Variants in VAV3 observed in about 807,000 individuals in gnomAD.
VAV3 encodes the protein guanine nucleotide exchange factor VAV3.
VAV3 carries 94 observed loss-of-function variants against 131.2 expected under a neutral mutation model. The observed-to-expected ratio is 0.72, with a 90% confidence interval of 0.61 to 0.85. The LOEUF (loss-of-function observed/expected upper bound fraction) is 0.85, where lower values mean the gene tolerates loss of function less well. Among genes scored for constraint, VAV3 ranks in the 40% least tolerant of loss-of-function variants. The pLI, the probability that VAV3 is intolerant of heterozygous loss-of-function variation, is 0.00. For synonymous variants in VAV3, 349 were observed against 342.0 expected (o/e 1.02, Z -0.22); for missense variants, 939 against 1,002.7 (o/e 0.94, Z 0.86).
At chr1:107,905,967 C>T (rs1460477869) in intron 1 of VAV3, among the ~76,000 whole-genome samples, 1 of 152,074 alleles carries the variant, frequency 6.6e-6, no homozygotes. Context: ...AGTGAAGAGT[C>T]TATTAAATAA....
intron 12 of VAV3, among the ~76,000 whole-genome samples, chr1:107,753,473 T>C (rs908016380): frequency 3.0e-5 from 4 of 133,412 alleles, no homozygotes; most frequent in Non-Finnish European, 6.6e-5. Context: ...TGTGTGTATG[T>C]ATGTGTGTGT....
intron 12 of VAV3, among the ~76,000 whole-genome samples, chr1:107,755,004 C>T (rs1259955424): frequency 6.6e-6 from 1 of 151,930 alleles, no homozygotes; most frequent in African/African-American, 2.4e-5. Context: ...TAAACTGTCT[C>T]CTCAATCTTG....
chr1:107,607,169 G>T (rs1313258106), intron 22 of VAV3, among the ~76,000 whole-genome samples: 1 of 151,714 alleles, frequency 6.6e-6, no homozygotes, highest in Non-Finnish European at 1.5e-5. Context: ...TTCCAGGCTG[G>T]TCTTGAACTC....
At chr1:107,743,420 T>G (rs1663139669) in intron 15 of VAV3, among the ~76,000 whole-genome samples, 1 of 152,192 alleles carries the variant, frequency 6.6e-6, no homozygotes, top group South Asian at 2.1e-4. Context: ...TTCTTGGGAC[T>G]CTGTATGTTG....
intron 2 of VAV3, among the ~76,000 whole-genome samples, chr1:107,863,441 CCTGT>C (rs1669836077): frequency 6.6e-6 from 1 of 152,050 alleles, no homozygotes; most frequent in Non-Finnish European, 1.5e-5. Context: ...ATGGTCATCT[CCTGT>C]CTATCTGTTA....
At chr1:107,639,706 G>C (rs1315731906) in intron 20 of VAV3, among the ~76,000 whole-genome samples, 2 of 152,138 alleles carry the variant, frequency 1.3e-5, no homozygotes, top group African/African-American at 4.8e-5. Context: ...CTACTTGGCA[G>C]GCTGAAGTGG....
chr1:107,909,273 T>C (rs1243125695), intron 1 of VAV3, among the ~76,000 whole-genome samples: 1 of 152,144 alleles, frequency 6.6e-6, no homozygotes. Flanking sequence ...ATTCTCCAAA[T>C]GGTTAAAAAT....
chr1:107,831,155 G>A (rs1668230897), intron 2 of VAV3, among the ~76,000 whole-genome samples: 1 of 151,770 alleles, frequency 6.6e-6, no homozygotes, highest in Non-Finnish European at 1.5e-5. Context: ...AAAATTTTCG[G>A]GTTTTGTGAG....
In VAV3 at chr1:107,655,995, T is replaced by C. The variant is rs114370829; in HGVS notation, c.1778-13240A>G. Among the ~76,000 whole-genome samples, 1,496 of 152,208 alleles carry C rather than the reference T, an allele frequency of 9.8e-3. 12 individuals carry two copies. Among genetic ancestry groups the C allele is most frequent in the Non-Finnish European group, 0.015 (1,044 of 67,958 alleles). On this transcript the variant is annotated intron_variant, in intron 19 of 26. Coordinates refer to ENST00000370056, the MANE Select transcript of VAV3 (RefSeq NM_006113.5). ...GAGAAAGGGGAACCCTCATATACTA[T>C]TGGTGGTAATGCTAATTAGTACAGC...
At position 107,775,158 on chromosome 1, in the gene VAV3, C is replaced by T. The variant is rs1665280392; in HGVS notation, c.446+2073G>A. 3.3e-5 allele frequency among the ~76,000 whole-genome samples: 5 copies of T among 152,296 alleles called. No homozygotes were observed. The South Asian group carries it at 1.0e-3, about 32-fold the overall frequency. On this transcript the variant is annotated intron_variant, in intron 4 of 26. Coordinates refer to ENST00000370056, the MANE Select transcript of VAV3 (RefSeq NM_006113.5). ...CCAATTCAGGAAACCAAGGTTTTCT[C>T]CAAATTTAGCTAGGAATGCATCCTC...
chr1:107,712,438 G>A (rs1200357283), intron 15 of VAV3, among the ~76,000 whole-genome samples: 1 of 152,196 alleles, frequency 6.6e-6, no homozygotes, highest in East Asian at 1.9e-4. Flanking sequence ...GTGGCCCAGA[G>A]AAGCCAAAAG....
intron 20 of VAV3, among the ~76,000 whole-genome samples, chr1:107,628,949 G>A (rs868582532): frequency 8.5e-5 from 13 of 152,170 alleles, no homozygotes; most frequent in Admixed American, 5.9e-4. Context: ...AATAAAGATC[G>A]TGTAGATGTA....
chr1:107,691,290 C>A (rs1264243274), intron 17 of VAV3, among the ~76,000 whole-genome samples: 1 of 152,046 alleles, frequency 6.6e-6, no homozygotes, highest in East Asian at 1.9e-4. Flanking sequence ...GAATAAGAAA[C>A]CTTTTTGTAT....
chr1:107,641,001 C>A (rs906178147), intron 20 of VAV3, among the ~76,000 whole-genome samples: 3 of 152,146 alleles, frequency 2.0e-5, no homozygotes, highest in Admixed American at 6.6e-5. Context: ...ATGTGAGGAA[C>A]CTTATGGCTA....
chr1:107,958,830 A>G (rs1026758438), intron 1 of VAV3, among the ~76,000 whole-genome samples: 3 of 152,228 alleles, frequency 2.0e-5, no homozygotes, highest in Non-Finnish European at 2.9e-5. Context: ...CCCTGTGCCC[A>G]TATGTTCTCA....
chr1:107,706,965 T>C (rs1660492163), intron 15 of VAV3, among the ~76,000 whole-genome samples: 1 of 152,136 alleles, frequency 6.6e-6, no homozygotes, highest in South Asian at 2.1e-4. Context: ...GGAGTTGTGT[T>C]TGGACCACTG....
intron 16 of VAV3, 61 bp from the exon 17 acceptor site, chr1:107,704,711 T>C (rs1370901384): frequency 1.5e-6 from 2 of 1,369,452 alleles, no homozygotes; most frequent in Non-Finnish European, 1.0e-6. Flanking sequence ...CATATGAAAT[T>C]ACTGCAAGAA....
rs1653776412 is a variant in VAV3 at position 107,623,685 on chromosome 1, TTA to T, written c.1915-6055_1915-6054del. Among the ~76,000 whole-genome samples the T allele has an allele frequency of 2.0e-5, 3 of 152,334 alleles. No individual in the cohort carries two copies. The South Asian group carries it at 6.2e-4, about 32-fold the overall frequency. On this transcript the variant is annotated intron_variant, in intron 20 of 26. Coordinates refer to ENST00000370056, the MANE Select transcript of VAV3 (RefSeq NM_006113.5). ...ACTTGCCAAGCCTACCTGCATATGG[TTA>T]TATGATGGCCACTACCATTAATTCC...
intron 22 of VAV3, among the ~76,000 whole-genome samples, chr1:107,604,714 C>T (rs1176679185): frequency 6.6e-6 from 1 of 152,142 alleles, no homozygotes; most frequent in South Asian, 2.1e-4. Context: ...TACAGTATTC[C>T]TATTTTTGTG....
Sources: gnomAD v4.1 joint callset for allele counts (sites outside exome capture counted in the v4.1 genomes callset) on GRCh38, gnomAD v4.1.1 for gene constraint, MANE v1.5 for transcripts, NCBI Gene and HGNC (gene_info 2026-07-23, HGNC 2026-07-21) for gene names.